The following UTP18 variants were observed in gnomAD, a reference collection of about 807,000 sequenced individuals.
UTP18 encodes U3 small nucleolar RNA-associated protein 18 homolog.
In UTP18, 36 loss-of-function variants were observed where a neutral mutation model predicts 61.1. The ratio of observed to expected loss-of-function variants is 0.59; its 90% CI spans 0.45 to 0.78. The LOEUF (loss-of-function observed/expected upper bound fraction) is 0.78, where lower values mean the gene tolerates loss of function less well. UTP18 is among the 30% of genes least tolerant of loss of function. The pLI, the probability that UTP18 is intolerant of heterozygous loss-of-function variation, is 0.00. For synonymous variants in UTP18, 282 were observed against 251.1 expected (o/e 1.12, Z -1.16); for missense variants, 753 against 693.9 (o/e 1.09, Z -0.96).
In UTP18 at chr17:51,277,271, G is replaced by A; in HGVS notation, c.979G>A (p.Ala327Thr). ...GGTTCTTTATGTCTATGACATGCTG[G>A]CTGGAAAGTTAATTCCTGTGCATCA... ...SKVLYVYDML[A>T]GKLIPVHQVR... The change falls in exon 7 of 14, where the codon GCT becomes ACT. Residue 327 changes from alanine to threonine, a missense_variant. Physicochemically the swap from Ala to Thr is moderately conservative, Grantham distance 58 (BLOSUM62 0). Coordinates refer to ENST00000225298, the MANE Select transcript of UTP18 (RefSeq NM_016001.3). 1.2e-6 allele frequency: 2 copies of A among 1,614,038 alleles called. No individual in the cohort carries two copies. Among genetic ancestry groups the A allele is most frequent in the Non-Finnish European group, 1.7e-6 (2 of 1,179,988 alleles).
intron 10 of UTP18, among the ~76,000 whole-genome samples, chr17:51,286,982 C>CA (rs1555556362): frequency 1.4e-5 from 2 of 145,184 alleles, no homozygotes; most frequent in Non-Finnish European, 3.0e-5. Context: ...CCCCCTTCCC[C>CA]CCCCGACCCA....
chr17:51,260,999 G>A, intron 1 of UTP18, 73 bp downstream of exon 1: 1 of 1,306,012 alleles, frequency 7.7e-7, no homozygotes, highest in Non-Finnish European at 9.8e-7. Context: ...GCTCCGGGGG[G>A]CGGAGCCTGG....
In UTP18 at chr17:51,284,029, C is replaced by G. The variant is rs113364580; in HGVS notation, c.1205-1216C>G. On this transcript the variant is annotated intron_variant, in intron 9 of 13. Coordinates refer to ENST00000225298, the MANE Select transcript of UTP18 (RefSeq NM_016001.3). Reference sequence around the variant, plus strand: ...CATTTTAGTCTACTGAGAGACTAATCTTTAAAACACTTTCCTTTATTATAA... The same window carrying G: ...CATTTTAGTCTACTGAGAGACTAATGTTTAAAACACTTTCCTTTATTATAA... Among the ~76,000 whole-genome samples, 22 of 152,338 alleles carry G rather than the reference C, an allele frequency of 1.4e-4. 1 individual carries two copies. Among genetic ancestry groups the G allele is most frequent in the African/African-American group, 5.3e-4 (22 of 41,578 alleles).
intron 10 of UTP18, chr17:51,286,404 C>T: frequency 4.5e-6 from 2 of 445,912 alleles, no homozygotes; most frequent in Admixed American, 4.8e-5. Flanking sequence ...TCAAATCCTC[C>T]CTGGGATGGG....
intron 1 of UTP18, among the ~76,000 whole-genome samples, chr17:51,262,096 T>G (rs1208643525): frequency 6.6e-6 from 1 of 152,052 alleles, no homozygotes; most frequent in Admixed American, 6.6e-5. Context: ...TTTAGATTTT[T>G]TTTTTTTTTT....
At chr17:51,269,948 C>T (rs572219077) in intron 4 of UTP18, among the ~76,000 whole-genome samples, 5 of 152,068 alleles carry the variant, frequency 3.3e-5, no homozygotes, top group South Asian at 2.1e-4. Flanking sequence ...CTCTGCCTCC[C>T]GGGTTCCAGT....
chr17:51,263,777 G>A (rs1232070536), intron 2 of UTP18, among the ~76,000 whole-genome samples: 1 of 152,178 alleles, frequency 6.6e-6, no homozygotes, highest in African/African-American at 2.4e-5. Flanking sequence ...AATAGTACTT[G>A]TAGAACTTTT....
At chr17:51,287,877 A>C (rs915579552) in intron 10 of UTP18, 152 bp from the exon 11 acceptor site, 1 of 493,140 alleles carries the variant, frequency 2.0e-6, no homozygotes, top group East Asian at 3.7e-5. Flanking sequence ...TGGAGGTTCT[A>C]TAGGACATCT....
rs1026377922 is a variant in UTP18, at chr17:51,288,489, A to G, written c.1503+286A>G. On this transcript the variant is annotated intron_variant, in intron 11 of 13. Coordinates refer to ENST00000225298, the MANE Select transcript of UTP18 (RefSeq NM_016001.3). ...TCTTTTAGTATTAATGTTAAGGACT[A>G]TATTTAAGGCAGACACTTCATTCCT... The G allele has an allele frequency of 2.9e-4, 138 of 481,620 alleles. 1 individual carries two copies. The highest frequency in any genetic ancestry group is 1.9e-3 in the South Asian group (122 of 64,664). 29.8% of individuals were successfully genotyped at this position (481,620 alleles called of 1,614,324 possible).
At chr17:51,277,330 A>G (rs1567702200) in intron 7 of UTP18, 26 bp downstream of exon 7, 1 of 1,610,376 alleles carries the variant, frequency 6.2e-7, no homozygotes, top group Non-Finnish European at 8.5e-7. Context: ...AATGCACACA[A>G]CCAGTCATTC....
chr17:51,288,729 G>A, intron 11 of UTP18: 1 of 416,352 alleles, frequency 2.4e-6, no homozygotes, highest in Non-Finnish European at 4.8e-6. Flanking sequence ...ATGACTTCCA[G>A]GACTCTGCAT....
Position 51,277,182 on chromosome 17 carries a change from C to T in UTP18, c.890C>T (p.Pro297Leu), listed in dbSNP as rs1422170667. The T allele has an allele frequency of 1.9e-6, 3 of 1,614,054 alleles. No homozygotes were observed. Among genetic ancestry groups the T allele is most frequent in the Non-Finnish European group, 2.5e-6 (3 of 1,180,004 alleles). ...CAGAGCATCTATTTGGAAAGGTTTC[C>T]AATCTTTAAGGCTTGTTTTAGTGCT... ...KIQSIYLERF[P>L]IFKACFSANG... Residue 297 changes from proline to leucine, a missense_variant, in exon 7 of 14, where the codon CCA (proline) becomes CTA (leucine). Coordinates refer to ENST00000225298, the MANE Select transcript of UTP18 (RefSeq NM_016001.3).
intron 10 of UTP18, among the ~76,000 whole-genome samples, 186 bp downstream of exon 10, chr17:51,285,554 C>G (rs1456389872): frequency 2.0e-5 from 3 of 151,588 alleles, no homozygotes; most frequent in Non-Finnish European, 4.4e-5. Flanking sequence ...AATAATATTA[C>G]AGTAGTTCCC....
rs1597856975 is a variant in UTP18, at chr17:51,297,779, C to T, written c.*15-3C>T. 2.3e-6 allele frequency: 1 copy of T among 427,358 alleles called. No individual in the cohort carries two copies. The highest frequency in any genetic ancestry group is 4.6e-6 in the Non-Finnish European group (1 of 217,422). 26.5% of individuals were successfully genotyped at this position (427,358 alleles called of 1,614,324 possible). On this transcript the variant is annotated splice_polypyrimidine_tract_variant and splice_region_variant and intron_variant, in intron 13 of 13. Transcript: ENST00000225298. ...TATGTAATTTCTTTTGTTCTTTCCT[C>T]AGGTCCAGTTGAGTCACAAGAGAAG...
intron 3 of UTP18, 129 bp from the exon 4 acceptor site, chr17:51,268,706 GAT>G: frequency 1.4e-6 from 1 of 710,452 alleles, no homozygotes; most frequent in Non-Finnish European, 2.4e-6. Flanking sequence ...TGTTCTTAAA[GAT>G]AGTTACTTCT....
chr17:51,279,322 C>T (rs2092765526), intron 7 of UTP18, among the ~76,000 whole-genome samples: 1 of 151,888 alleles, frequency 6.6e-6, no homozygotes, highest in South Asian at 2.1e-4. Context: ...AGGAGGAGTC[C>T]CCTGTATAGT....
intron 11 of UTP18, among the ~76,000 whole-genome samples, chr17:51,292,417 A>T (rs1905262009): frequency 6.6e-6 from 1 of 152,248 alleles, no homozygotes; most frequent in African/African-American, 2.4e-5. Flanking sequence ...TGGCTTGGAG[A>T]TTCACTGTAA....
At position 51,288,102 on chromosome 17, in the gene UTP18, G is replaced by A. The variant is rs1905159781; in HGVS notation, c.1402G>A (p.Ala468Thr). 6.2e-7 allele frequency: 1 copy of A among 1,610,674 alleles called. No individual in the cohort carries two copies. Among genetic ancestry groups the A allele is most frequent in the Middle Eastern group, 1.7e-4 (1 of 5,986 alleles). The change falls in exon 11 of 14, where the codon GCT becomes ACT. Residue 468 changes from alanine (A) to threonine (T), a missense_variant. Ala to Thr is a moderately conservative substitution (Grantham distance 58). Transcript: ENST00000225298. ...AGAAACAAACCCAAAGCCAATAAAA[G>A]CTATAATGAACTTGGTTACAGGTGT... Reference protein sequence around the residue: ...LQETNPKPIKAIMNLVTGVTS... With the variant: ...LQETNPKPIKTIMNLVTGVTS...
At chr17:51,297,050 C>A in intron 13 of UTP18, 47 bp downstream of exon 13, 1 of 1,502,416 alleles carries the variant, frequency 6.7e-7, no homozygotes, top group Non-Finnish European at 9.1e-7. Flanking sequence ...TAAGATACAC[C>A]CATTGCTGTC....
Sources: allele counts gnomAD v4.1 joint callset (sites outside exome capture counted in the v4.1 genomes callset), GRCh38; gene constraint gnomAD v4.1.1; transcripts MANE v1.5; gene names NCBI Gene and HGNC (gene_info 2026-07-23, HGNC 2026-07-21).